Variants in REEP2 observed in about 807,000 individuals in gnomAD.
REEP2 encodes the protein receptor accessory protein 2, also known as receptor expression-enhancing protein 2.
Under a neutral mutation model 32.1 loss-of-function variants are expected in REEP2, and 9 were observed. That is an observed-to-expected ratio of 0.28 (90% confidence interval 0.17 to 0.49). The LOEUF is 0.49. Among genes scored for constraint, REEP2 ranks in the 20% least tolerant of loss-of-function variants. The pLI is 0.99. For synonymous variants in REEP2, 128 were observed against 139.1 expected (o/e 0.92, Z 0.56); for missense variants, 236 against 338.0 (o/e 0.70, Z 2.37).
At chr5:138,445,421 G>A in intron 6 of REEP2, 46 bp downstream of exon 6, 1 of 1,613,600 alleles carries the variant, frequency 6.2e-7, no homozygotes, top group Non-Finnish European at 8.5e-7. Context: ...AGGGCAAGGA[G>A]TCCAGATGGG....
Position 138,439,198 on chromosome 5 carries a change from C to G in REEP2, c.-11C>G. On this transcript the variant is annotated 5_prime_UTR_variant, in exon 1 of 8. Transcript: ENST00000378339. ...GCCGGGTCCCCGCCCCGCGCCGCGC[C>G]CGGCCCCGCCATGGTGTCCTGGATC... The G allele has an allele frequency of 8.8e-6, 12 of 1,365,778 alleles. No individual in the cohort carries two copies. Among genetic ancestry groups the G allele is most frequent in the Non-Finnish European group, 1.1e-5 (12 of 1,061,288 alleles). 84.6% of individuals were successfully genotyped at this position (1,365,778 alleles called of 1,614,324 possible).
rs1019204297 is a variant in REEP2 at position 138,444,953 on chromosome 5, C to T, written c.417+86C>T. 39 of 997,134 alleles carry T rather than the reference C, an allele frequency of 3.9e-5. No homozygotes were observed. In the Admixed American group the frequency reaches 4.0e-4, roughly 10 times the overall value. 61.8% of individuals were successfully genotyped at this position (997,134 alleles called of 1,614,324 possible). On this transcript the variant is annotated intron_variant, in intron 5 of 7. Coordinates refer to ENST00000378339, the MANE Select transcript of REEP2 (RefSeq NM_001271803.2). ...GGCCCCTTTGCATCCACCCTGTACT[C>T]GGGGCTGTAGAGACTCTGGGCTCAT...
rs371122580 is a variant in REEP2, at chr5:138,441,366, G to A, written c.106-19G>A. ...CCCTCAGCCCCGTGCCCCAGCCAGC[G>A]CTTCCCTCTGTCCCTCAGGTGAAAT... On this transcript the variant is annotated intron_variant, in intron 2 of 7. Transcript: ENST00000378339. This position sits in a 1 kb window ranked among gnomAD's most constrained non-coding sequence, Gnocchi z 4.4. 24 of 1,612,372 alleles carry A rather than the reference G, an allele frequency of 1.5e-5. No individual in the cohort carries two copies. Among genetic ancestry groups the A allele is most frequent in the East Asian group, 2.2e-5 (1 of 44,884 alleles).
intron 3 of REEP2, among the ~76,000 whole-genome samples, chr5:138,443,426 C>T (rs959381003): frequency 7.0e-6 from 1 of 143,282 alleles, no homozygotes; most frequent in Non-Finnish European, 1.5e-5. Context: ...TGCCATTGCA[C>T]TCCGGCCTGG....
At chr5:138,444,381 GC>G (rs1561806949) in intron 3 of REEP2, 33 bp from the exon 4 acceptor site, 8 of 1,609,764 alleles carry the variant, frequency 5.0e-6, no homozygotes, top group Non-Finnish European at 6.8e-6. Context: ...CCAACTCCCT[GC>G]CCTGTACTCT....
At position 138,441,135 on chromosome 5, in the gene REEP2, G is replaced by A. The variant is rs753471935; in HGVS notation, c.105+47G>A. On this transcript the variant is annotated intron_variant, in intron 2 of 7. Transcript: ENST00000378339. This position sits in a 1 kb window ranked among gnomAD's most constrained non-coding sequence, Gnocchi z 4.4. ...CCCTACCCAACCCACATGGCACAGA[G>A]AGGGGAGGGCACTGGGTCCTATTAC... The A allele has an allele frequency of 1.2e-6, 2 of 1,610,748 alleles. No homozygotes were observed. Among genetic ancestry groups the A allele is most frequent in the Non-Finnish European group, 1.7e-6 (2 of 1,178,340 alleles).
In REEP2 at chr5:138,445,919, G is replaced by A; in HGVS notation, c.*168G>A. The A allele has an allele frequency of 3.0e-6, 2 of 675,292 alleles. No individual in the cohort carries two copies. Among genetic ancestry groups the A allele is most frequent in the Non-Finnish European group, 2.5e-6 (1 of 397,550 alleles). 41.8% of individuals were successfully genotyped at this position (675,292 alleles called of 1,614,324 possible). On this transcript the variant is annotated 3_prime_UTR_variant, in exon 8 of 8. Transcript: ENST00000378339. ...GTGGCCACTCTTCTGGAAGGGGCTT[G>A]GAAAAGAGGAAGGAGGCCCAGCTGT...
At chr5:138,444,656 C>T in intron 4 of REEP2, 98 bp from the exon 5 acceptor site, 2 of 1,556,254 alleles carry the variant, frequency 1.3e-6, no homozygotes, top group South Asian at 1.2e-5. Context: ...CTTGGCAGGG[C>T]TGCCGTGGCC....
intron 3 of REEP2, among the ~76,000 whole-genome samples, chr5:138,442,908 C>T (rs1763852516): frequency 1.3e-5 from 2 of 151,914 alleles, no homozygotes; most frequent in Admixed American, 1.3e-4. Flanking sequence ...TACTTGTAAT[C>T]CCAGCTACTT....
rs925626410 is a variant in REEP2, at chr5:138,445,393, G to T, written c.565+18G>T. The T allele has an allele frequency of 7.4e-6, 12 of 1,612,292 alleles. No homozygotes were observed. The highest frequency in any genetic ancestry group is 1.0e-5 in the Non-Finnish European group (12 of 1,179,100). The stretch of plus-strand genomic sequence containing the variant: ...GGACTTAGGTACAGGCAGGGCCCGG[G>T]GTTGGGGTGGGGCCCCAAGGGCAAG... On this transcript the variant is annotated intron_variant, in intron 6 of 7. Coordinates refer to ENST00000378339, the MANE Select transcript of REEP2 (RefSeq NM_001271803.2).
chr5:138,445,825 C>A lies in REEP2; in HGVS notation c.*74C>A. 1 of 1,438,112 alleles carries A rather than the reference C, an allele frequency of 7.0e-7. No individual in the cohort carries two copies. Among genetic ancestry groups the A allele is most frequent in the Non-Finnish European group, 9.5e-7 (1 of 1,053,592 alleles). The allele number at this position is 1,438,112 out of a possible 1,614,324, so 89.1% of individuals were successfully genotyped here. ...GGCCTCAGACCCAGCCCCTGCTCCA[C>A]ACTGTGCCAGTAGCCTAGGTGTCTC... On this transcript the variant is annotated 3_prime_UTR_variant, in exon 8 of 8. Transcript: ENST00000378339.
In REEP2 at chr5:138,445,558, C is replaced by T. The variant is rs1763913451; in HGVS notation, c.656C>T (p.Pro219Leu). The T allele has an allele frequency of 6.2e-7, 1 of 1,614,214 alleles. No individual in the cohort carries two copies. Among genetic ancestry groups the T allele is most frequent in the Non-Finnish European group, 8.5e-7 (1 of 1,180,038 alleles). The change falls in exon 7 of 8, where the codon CCC becomes CTC. Residue 219 changes from proline to leucine, a missense_variant. Physicochemically the swap from Pro to Leu is moderately conservative, Grantham distance 98. Coordinates refer to ENST00000378339, the MANE Select transcript of REEP2 (RefSeq NM_001271803.2). Reference sequence around the variant, plus strand: ...GAGGATGACATGGGAGACAAAGCTCCCAAGAGGGCCAAACCCATCAAAAAA... The same window carrying T: ...GAGGATGACATGGGAGACAAAGCTCTCAAGAGGGCCAAACCCATCAAAAAA... Reference protein sequence around the residue: ...ASEDDMGDKAPKRAKPIKKAP... With the variant: ...ASEDDMGDKALKRAKPIKKAP...
At chr5:138,445,628 C>T (rs1763915239) in intron 7 of REEP2, 30 bp downstream of exon 7, 2 of 1,614,016 alleles carry the variant, frequency 1.2e-6, no homozygotes, top group Non-Finnish European at 1.7e-6. Flanking sequence ...CTTGGGGAAA[C>T]AGGCAGGGGG....
intron 1 of REEP2, chr5:138,439,588 G>A: frequency 6.1e-6 from 3 of 493,188 alleles, no homozygotes. Context: ...GTCTGGGCTG[G>A]AGGAGATCCT....
intron 3 of REEP2, 140 bp from the exon 4 acceptor site, chr5:138,444,275 C>A (rs1763881126): frequency 1.1e-6 from 1 of 912,612 alleles, no homozygotes; most frequent in Non-Finnish European, 1.6e-6. Context: ...TAGAAAGGAG[C>A]AGTCCCATGA....
Position 138,444,762 on chromosome 5 carries a change from C to T in REEP2, c.312C>T (p.Asp104=), listed in dbSNP as rs141749729. Residue 104 remains aspartate (D), a synonymous_variant, in exon 5 of 8, where the codon GAC becomes GAT. Coordinates refer to ENST00000378339, the MANE Select transcript of REEP2 (RefSeq NM_001271803.2). ...PTLSNKEKEI[D]EYITQARDKS... is the part of the protein sequence containing the mutation. ...CCCCTCCAATCCCATAGGAGATCGACGAGTACATCACGCAGGCCCGAGACA... is the reference window on the plus strand; with the variant it reads ...CCCCTCCAATCCCATAGGAGATCGATGAGTACATCACGCAGGCCCGAGACA... 6.2e-6 allele frequency: 10 copies of T among 1,613,704 alleles called. 1 individual carries two copies. Among genetic ancestry groups the T allele is most frequent in the Admixed American group, 5.0e-5 (3 of 59,980 alleles).
At chr5:138,445,126 G>C (rs139568892) in intron 5 of REEP2, 102 bp from the exon 6 acceptor site, 4 of 1,303,356 alleles carry the variant, frequency 3.1e-6, no homozygotes, top group Non-Finnish European at 4.2e-6. Context: ...AGGACAGTGT[G>C]GGGAGGGCAC....
chr5:138,439,950 C>T (rs1763791562), intron 1 of REEP2: 1 of 362,024 alleles, frequency 2.8e-6, no homozygotes, highest in African/African-American at 2.1e-5. Context: ...GGCACCTCCC[C>T]GGGCCCCAGG....
Position 138,441,569 on chromosome 5 carries a change from C to A in REEP2, c.182+108C>A. 1 of 930,110 alleles carries A rather than the reference C, an allele frequency of 1.1e-6. No homozygotes were observed. Among genetic ancestry groups the A allele is most frequent in the Non-Finnish European group, 1.7e-6 (1 of 578,888 alleles). The allele number at this position is 930,110 out of a possible 1,614,324, so 57.6% of individuals were successfully genotyped here. On this transcript the variant is annotated intron_variant, in intron 3 of 7. Transcript: ENST00000378339. This position sits in a 1 kb window ranked among gnomAD's most constrained non-coding sequence, Gnocchi z 4.4. Reference sequence around the variant, plus strand: ...CCTGGGGGTGAAGCTCCTCCCATTCCTGACAATTTCATGGGGTCCTTGATA... The same window carrying A: ...CCTGGGGGTGAAGCTCCTCCCATTCATGACAATTTCATGGGGTCCTTGATA...
Sources: gnomAD v4.1 joint callset for allele counts (sites outside exome capture counted in the v4.1 genomes callset) on GRCh38, gnomAD v4.1.1 for gene constraint, Gnocchi (gnomAD v3.1) non-coding constraint, MANE v1.5 for transcripts, NCBI Gene and HGNC (gene_info 2026-07-23, HGNC 2026-07-21) for gene names.